EIPR1: variants seen among roughly 807,000 people sequenced by gnomAD.
EIPR1 encodes EARP complex and GARP complex interacting protein 1.
EIPR1 carries 25 observed loss-of-function variants against 48.1 expected under a neutral mutation model. The observed-to-expected ratio is 0.52, with a 90% CI of 0.38 to 0.73. EIPR1 has a LOEUF of 0.73. EIPR1 is among the 30% of genes least tolerant of loss of function. The pLI, the probability that EIPR1 is intolerant of heterozygous loss-of-function variation, is 0.00. For missense variants in EIPR1, 415 were observed against 506.2 expected, an observed-to-expected ratio of 0.82 and a Z score of 1.73; for synonymous variants, 204 against 201.9, an observed-to-expected ratio of 1.01 and a Z score of -0.09.
intron 3 of EIPR1, among the ~76,000 whole-genome samples, chr2:3,288,849 C>G (rs1668284752): frequency 6.6e-6 from 1 of 152,214 alleles, no homozygotes; most frequent in South Asian, 2.1e-4. Flanking sequence ...GGTGCACCAG[C>G]CATTCCTGCA....
intron 1 of EIPR1, among the ~76,000 whole-genome samples, chr2:3,356,072 T>C (rs1194137821): frequency 1.3e-5 from 2 of 152,186 alleles, no homozygotes; most frequent in African/African-American, 4.8e-5. Flanking sequence ...GAAGATGAAA[T>C]GCATCACATC....
chr2:3,250,424 G>A (rs78032772), intron 4 of EIPR1, among the ~76,000 whole-genome samples: 2,049 of 152,302 alleles, frequency 0.013, 21 homozygotes, highest in Non-Finnish European at 0.021. Flanking sequence ...CACCCCCATT[G>A]TAATTTGAAA....
chr2:3,308,410 G>A (rs1278099879), intron 3 of EIPR1, among the ~76,000 whole-genome samples: 4 of 152,120 alleles, frequency 2.6e-5, no homozygotes, highest in Non-Finnish European at 5.9e-5. Flanking sequence ...AAATGGATGA[G>A]TTCAATAGCA....
chr2:3,294,986 CACACACACA>C (rs1204577738), intron 3 of EIPR1, among the ~76,000 whole-genome samples: 44,460 of 71,004 alleles, frequency 0.63, 16,728 homozygotes, highest in East Asian at 0.74. Context: ...ATCCTCTCTA[CACACACACA>C]CACACACCCT....
intron 4 of EIPR1, among the ~76,000 whole-genome samples, chr2:3,255,890 A>T (rs1024120230): frequency 6.6e-6 from 1 of 152,242 alleles, no homozygotes; most frequent in Non-Finnish European, 1.5e-5. Context: ...ACATGCGCAC[A>T]AATGTCTATT....
At chr2:3,235,448 G>GCACACA (rs1172210710) in intron 4 of EIPR1, among the ~76,000 whole-genome samples, 14 of 26,892 alleles carry the variant, frequency 5.2e-4, no homozygotes, top group African/African-American at 8.6e-4. Flanking sequence ...ACGCGTGCGC[G>GCACACA]CACACACACA....
intron 4 of EIPR1, among the ~76,000 whole-genome samples, chr2:3,236,860 G>A (rs1168820113): frequency 3.3e-5 from 5 of 152,212 alleles, no homozygotes; most frequent in Non-Finnish European, 7.3e-5. Flanking sequence ...AGGTCTGCAC[G>A]TGGCCTGAAA....
At chr2:3,290,084 T>C (rs984270600) in intron 3 of EIPR1, among the ~76,000 whole-genome samples, 1 of 152,234 alleles carries the variant, frequency 6.6e-6, no homozygotes, top group Non-Finnish European at 1.5e-5. Flanking sequence ...CATTTTCTTT[T>C]GTACTTAGCA....
chr2:3,272,114 C>T (rs1184430825), intron 3 of EIPR1, among the ~76,000 whole-genome samples: 1 of 152,230 alleles, frequency 6.6e-6, no homozygotes, highest in East Asian at 1.9e-4. Flanking sequence ...GCAGCTTTCT[C>T]ACTCCTCTCA....
intron 1 of EIPR1, among the ~76,000 whole-genome samples, chr2:3,357,057 T>G (rs971290189): frequency 6.6e-6 from 1 of 152,136 alleles, no homozygotes; most frequent in Non-Finnish European, 1.5e-5. Context: ...GATTGGTTGC[T>G]TTCTACAACC....
Position 3,189,673 on chromosome 2 carries a change from G to A in EIPR1, c.990-165C>T, listed in dbSNP as rs3749093. On this transcript the variant is annotated intron_variant, in intron 8 of 8. Transcript: ENST00000382125. The surrounding 1 kb of genome is among the most constrained non-coding windows in gnomAD (Gnocchi z 4.6). ...AATTAGAGGAGCCCACACCGAGGAC[G>A]GTGGGGTGGTCCCTGCAGAAGCCCA... 3.0e-4 allele frequency among the ~76,000 whole-genome samples: 46 copies of A among 152,296 alleles called. 1 individual carries two copies. In the East Asian group the frequency reaches 6.2e-3, roughly 21 times the overall value.
rs146526476 is a variant in EIPR1 at position 3,257,856 on chromosome 2, CTGTA to C, written c.260-405_260-402del. On this transcript the variant is annotated intron_variant, in intron 3 of 8. Transcript: ENST00000382125. ...CATTAAACGGGTTTTCTCTCCATAG[CTGTA>C]TGAGATCACCTTAAATGACTATTAG... Among the ~76,000 whole-genome samples the C allele has an allele frequency of 3.3e-5, 5 of 152,334 alleles. No individual in the cohort carries two copies. The East Asian group carries it at 9.6e-4, about 29-fold the overall frequency.
intron 1 of EIPR1, among the ~76,000 whole-genome samples, chr2:3,359,554 G>A (rs1670806343): frequency 6.6e-6 from 1 of 152,124 alleles, no homozygotes; most frequent in Non-Finnish European, 1.5e-5. Context: ...AAATGGAAGT[G>A]GAGAATCATT....
chr2:3,316,689 T>C (rs1372861432), intron 3 of EIPR1, among the ~76,000 whole-genome samples: 1 of 152,238 alleles, frequency 6.6e-6, no homozygotes. Flanking sequence ...TAATTACTAC[T>C]TTTTTCCCCA....
At position 3,354,644 on chromosome 2, in the gene EIPR1, G is replaced by T; in HGVS notation, c.43-11C>A. ...TGTTAAGGCACGTGCCTGCAGGAGGGAAGAAAAACACATGCACATTTATGA... is the reference window on the plus strand; with the variant it reads ...TGTTAAGGCACGTGCCTGCAGGAGGTAAGAAAAACACATGCACATTTATGA... On this transcript the variant is annotated splice_polypyrimidine_tract_variant and intron_variant, in intron 1 of 8. Transcript: ENST00000382125. 2.5e-6 allele frequency: 4 copies of T among 1,613,202 alleles called. No individual in the cohort carries two copies. Among genetic ancestry groups the T allele is most frequent in the Non-Finnish European group, 3.4e-6 (4 of 1,179,378 alleles).
chr2:3,279,415 T>C (rs1667953889), intron 3 of EIPR1, among the ~76,000 whole-genome samples: 3 of 152,140 alleles, frequency 2.0e-5, no homozygotes, highest in South Asian at 4.1e-4. Flanking sequence ...TAGCGTAGGA[T>C]ACAGGGATGC....
intron 3 of EIPR1, among the ~76,000 whole-genome samples, chr2:3,267,256 T>C (rs1166446548): frequency 6.6e-6 from 1 of 152,198 alleles, no homozygotes; most frequent in Non-Finnish European, 1.5e-5. Context: ...ACAGAGCCAA[T>C]GATGACAGGA....
chr2:3,230,108 C>A (rs1201437064), intron 4 of EIPR1, among the ~76,000 whole-genome samples: 1 of 152,042 alleles, frequency 6.6e-6, no homozygotes, highest in African/African-American at 2.4e-5. Flanking sequence ...TCTCAGTGTA[C>A]AGGTGTTTCA....
intron 1 of EIPR1, among the ~76,000 whole-genome samples, chr2:3,369,592 C>T (rs565943861): frequency 1.3e-5 from 2 of 152,368 alleles, no homozygotes; most frequent in African/African-American, 4.8e-5. Context: ...TATCCCACAC[C>T]TGGCTCGGAG....
Sources: allele counts gnomAD v4.1 joint callset (sites outside exome capture counted in the v4.1 genomes callset), GRCh38; gene constraint gnomAD v4.1.1; non-coding constraint Gnocchi (gnomAD v3.1); transcripts MANE v1.5; gene names NCBI Gene and HGNC (gene_info 2026-07-23, HGNC 2026-07-21).